Variants in NEK11 observed in about 807,000 individuals in gnomAD.
NEK11 encodes the protein NIMA related kinase 11.
NEK11 carries 72 observed loss-of-function variants against 80.7 expected under a neutral mutation model. The ratio of observed to expected loss-of-function variants is 0.89; its 90% CI spans 0.74 to 1.08. The LOEUF (loss-of-function observed/expected upper bound fraction) is 1.08, where lower values mean the gene tolerates loss of function less well. Ranked by LOEUF, NEK11 falls within the 50% of genes least tolerant of loss-of-function variation. The pLI is 0.00. For missense variants in NEK11, 764 were observed against 763.6 expected (o/e 1.00, Z -0.01); for synonymous variants, 251 against 260.7 (o/e 0.96, Z 0.36).
intron 14 of NEK11, among the ~76,000 whole-genome samples, chr3:131,227,025 C>T (rs1345255686): frequency 6.6e-6 from 1 of 151,374 alleles, no homozygotes; most frequent in Non-Finnish European, 1.5e-5. Context: ...TGTTGCTCAG[C>T]TGAAAATCAG....
intron 14 of NEK11, among the ~76,000 whole-genome samples, chr3:131,176,728 T>C (rs2093038995): frequency 6.6e-6 from 1 of 152,060 alleles, no homozygotes; most frequent in South Asian, 2.1e-4. Context: ...GCAAACGTAA[T>C]ATAAATAGGG....
rs1056848780 is a variant in NEK11 at position 131,029,735 on chromosome 3, G to C, written c.27G>C (p.Lys9Asn). The part of the protein sequence containing the change: MLKFQEAA[K>N]CVSGSTAIST... ...TGCTGAAATTCCAAGAGGCAGCTAA[G>C]TGTGTGAGTGGATCAACAGCCATTT... Residue 9 changes from lysine (K) to asparagine (N), a missense_variant, in exon 3 of 18, where the codon AAG becomes AAC. Physicochemically the swap from Lys to Asn is moderately conservative, Grantham distance 94. Transcript: ENST00000383366. The C allele has an allele frequency of 6.2e-7, 1 of 1,614,178 alleles. No homozygotes were observed. The highest frequency in any genetic ancestry group is 8.5e-7 in the Non-Finnish European group (1 of 1,180,022).
intron 14 of NEK11, among the ~76,000 whole-genome samples, chr3:131,191,640 G>GTGAA (rs2093800528): frequency 6.6e-6 from 1 of 152,116 alleles, no homozygotes; most frequent in African/African-American, 2.4e-5. Flanking sequence ...GGATTAGGAT[G>GTGAA]TGAACATTGT....
At chr3:131,264,453 C>G (rs1230946309) in intron 16 of NEK11, among the ~76,000 whole-genome samples, 4 of 152,142 alleles carry the variant, frequency 2.6e-5, no homozygotes, top group African/African-American at 9.7e-5. Context: ...TTCCCAGCAC[C>G]ATTTATTAAA....
intron 17 of NEK11, among the ~76,000 whole-genome samples, chr3:131,345,512 T>C (rs1423047035): frequency 6.6e-6 from 1 of 152,150 alleles, no homozygotes; most frequent in Non-Finnish European, 1.5e-5. Context: ...CCCCTAAGAA[T>C]GTCTGTTATC....
intron 7 of NEK11, among the ~76,000 whole-genome samples, chr3:131,150,725 C>T (rs576147828): frequency 2.0e-5 from 3 of 152,048 alleles, no homozygotes; most frequent in African/African-American, 7.2e-5. Flanking sequence ...TTAAACACCA[C>T]AAGATATTGT....
chr3:131,045,911 T>C (rs1466567522), intron 3 of NEK11, among the ~76,000 whole-genome samples: 1 of 152,064 alleles, frequency 6.6e-6, no homozygotes, highest in African/African-American at 2.4e-5. Flanking sequence ...TTTTGTCTGA[T>C]ATAAGAATAG....
chr3:131,195,085 G>A (rs146657275), intron 14 of NEK11, among the ~76,000 whole-genome samples: 5 of 152,096 alleles, frequency 3.3e-5, no homozygotes, highest in African/African-American at 7.2e-5. Context: ...TCTCCTGCCC[G>A]CAACGAGTTC....
intron 5 of NEK11, among the ~76,000 whole-genome samples, chr3:131,117,420 G>A (rs1383719025): frequency 6.6e-6 from 1 of 152,172 alleles, no homozygotes; most frequent in Non-Finnish European, 1.5e-5. Context: ...GATGCCTCGA[G>A]CTTTGTTCTT....
intron 17 of NEK11, among the ~76,000 whole-genome samples, chr3:131,314,950 G>T (rs1033382539): frequency 6.6e-6 from 1 of 152,154 alleles, no homozygotes; most frequent in Non-Finnish European, 1.5e-5. Context: ...TTAAGGGATG[G>T]AAATTACTGA....
intron 15 of NEK11, among the ~76,000 whole-genome samples, chr3:131,242,269 G>C (rs2095531374): frequency 6.6e-6 from 1 of 152,186 alleles, no homozygotes; most frequent in Admixed American, 6.5e-5. Context: ...GGAGGGGTTT[G>C]TGGCTATGGA....
At chr3:131,140,569 G>A (rs540628511) in intron 7 of NEK11, among the ~76,000 whole-genome samples, 2 of 152,188 alleles carry the variant, frequency 1.3e-5, no homozygotes, top group Non-Finnish European at 2.9e-5. Flanking sequence ...TTATGCAGCA[G>A]TGGTGACTGG....
intron 3 of NEK11, among the ~76,000 whole-genome samples, chr3:131,066,734 C>G (rs372181844): frequency 2.1e-4 from 31 of 150,972 alleles, no homozygotes; most frequent in African/African-American, 7.3e-4. Context: ...CCCAGCTACT[C>G]GGGAGGCTGA....
At chr3:131,046,911 C>T (rs894071886) in intron 3 of NEK11, among the ~76,000 whole-genome samples, 1 of 152,208 alleles carries the variant, frequency 6.6e-6, no homozygotes. Context: ...GATTTCTCTT[C>T]TTTCTTGGAA....
intron 16 of NEK11, among the ~76,000 whole-genome samples, chr3:131,250,003 T>TA (rs2095670507): frequency 6.6e-6 from 1 of 151,866 alleles, no homozygotes; most frequent in Non-Finnish European, 1.5e-5. Context: ...TTTTTTAAAA[T>TA]AAAAAATTAA....
intron 14 of NEK11, among the ~76,000 whole-genome samples, chr3:131,180,902 T>G (rs1377934257): frequency 6.6e-6 from 1 of 152,222 alleles, no homozygotes; most frequent in East Asian, 1.9e-4. Context: ...ATATGAAGCC[T>G]TGCTAAAACT....
At chr3:131,157,554 G>T (rs2090882769) in intron 10 of NEK11, among the ~76,000 whole-genome samples, 1 of 152,168 alleles carries the variant, frequency 6.6e-6, no homozygotes, top group South Asian at 2.1e-4. Context: ...TGAGGTAGGG[G>T]ACAAGATGCC....
At chr3:131,264,890 T>G (rs1241103766) in intron 16 of NEK11, among the ~76,000 whole-genome samples, 1 of 152,218 alleles carries the variant, frequency 6.6e-6, no homozygotes, top group Admixed American at 6.5e-5. Context: ...TTTATTTCAT[T>G]GAACAGTGGT....
At chr3:131,043,120 C>T (rs2066798107) in intron 3 of NEK11, among the ~76,000 whole-genome samples, 1 of 152,154 alleles carries the variant, frequency 6.6e-6, no homozygotes, top group South Asian at 2.1e-4. Context: ...TCACCAACAG[C>T]AAAGAACAAA....
Sources: gnomAD v4.1 joint callset for allele counts (sites outside exome capture counted in the v4.1 genomes callset) on GRCh38, gnomAD v4.1.1 for gene constraint, MANE v1.5 for transcripts, NCBI Gene and HGNC (gene_info 2026-07-23, HGNC 2026-07-21) for gene names.